FAM107B: variants seen among roughly 807,000 people sequenced by gnomAD.
FAM107B encodes the protein family with sequence similarity 107 member B.
In FAM107B, 21 loss-of-function variants were observed where a neutral mutation model predicts 31.5. The observed-to-expected ratio is 0.67, with a 90% CI of 0.47 to 0.96. The LOEUF is 0.96. FAM107B is among the 40% of genes least tolerant of loss of function. The probability of loss-of-function intolerance (pLI) is 0.00; values close to 1 mark genes in which losing one functional copy is unlikely to be tolerated. For synonymous variants in FAM107B, 157 were observed against 141.5 expected (o/e 1.11, Z -0.78); for missense variants, 452 against 377.1 (o/e 1.20, Z -1.64).
intron 2 of FAM107B, among the ~76,000 whole-genome samples, chr10:14,661,124 G>T (rs1211982599): frequency 6.6e-6 from 1 of 152,060 alleles, no homozygotes; most frequent in Non-Finnish European, 1.5e-5. Context: ...GTTTCCCAAG[G>T]CCTCCCCAGC....
At chr10:14,755,789 T>G (rs1038529557) in intron 1 of FAM107B, among the ~76,000 whole-genome samples, 2 of 152,158 alleles carry the variant, frequency 1.3e-5, no homozygotes, top group Admixed American at 6.5e-5. Flanking sequence ...GGCTCCAAAT[T>G]TTAGAGACAA....
At chr10:14,600,257 G>A (rs1253267298) in intron 2 of FAM107B, among the ~76,000 whole-genome samples, 1 of 152,140 alleles carries the variant, frequency 6.6e-6, no homozygotes, top group African/African-American at 2.4e-5. Flanking sequence ...CAGGGCTACT[G>A]GCCATGAGGT....
intron 1 of FAM107B, among the ~76,000 whole-genome samples, chr10:14,748,091 T>G (rs1457707298): frequency 6.6e-6 from 1 of 152,232 alleles, no homozygotes; most frequent in African/African-American, 2.4e-5. Flanking sequence ...CAGTGCATAC[T>G]TCTATCAAAG....
At chr10:14,604,107 C>G in intron 2 of FAM107B, 1 of 497,522 alleles carries the variant, frequency 2.0e-6, no homozygotes, top group South Asian at 8.5e-5. Context: ...CCCTCCCGCG[C>G]ACGGGGACCC....
In FAM107B at chr10:14,519,610, C is replaced by T. The variant is rs975438981; in HGVS notation, c.*1580G>A. 3 of 152,174 alleles carry T rather than the reference C, an allele frequency of 2.0e-5. No homozygotes were observed. The highest frequency in any genetic ancestry group is 4.4e-5 in the Non-Finnish European group (3 of 68,032). 9.4% of individuals were successfully genotyped at this position (152,174 alleles called of 1,614,324 possible). ...TCAACTAACATGTTTCTCTAACTAG[C>T]AGTATATTATCATTGCATTTACTTT... On this transcript the variant is annotated 3_prime_UTR_variant, in exon 5 of 5. Transcript: ENST00000181796.
intron 1 of FAM107B, among the ~76,000 whole-genome samples, chr10:14,672,176 C>T (rs933791339): frequency 6.6e-6 from 1 of 151,760 alleles, no homozygotes. Context: ...GCAGCCTCCA[C>T]CTTCCAGGTT....
intron 2 of FAM107B, among the ~76,000 whole-genome samples, chr10:14,665,230 T>C (rs1292375471): frequency 1.3e-5 from 2 of 152,202 alleles, no homozygotes; most frequent in Admixed American, 6.5e-5. Context: ...CAGATTTATT[T>C]TGAGGGAGGT....
At chr10:14,704,269 C>CTGTGTGTGTG (rs113899632) in intron 1 of FAM107B, among the ~76,000 whole-genome samples, 28,775 of 148,030 alleles carry the variant, frequency 0.19, 2,915 homozygotes, top group Middle Eastern at 0.35. Context: ...GTAAATTGCT[C>CTGTGTGTGTG]TGTGTGTGTG....
intron 2 of FAM107B, among the ~76,000 whole-genome samples, chr10:14,596,545 T>C (rs189244709): frequency 8.5e-5 from 13 of 152,260 alleles, no homozygotes; most frequent in Middle Eastern, 3.4e-3. Flanking sequence ...AAACTGTTCA[T>C]TGATGATAAT....
chr10:14,711,994 G>C (rs1855659654), intron 1 of FAM107B, among the ~76,000 whole-genome samples: 1 of 152,190 alleles, frequency 6.6e-6, no homozygotes, highest in African/African-American at 2.4e-5. Context: ...TGAGTGTGCA[G>C]TGCTACATGT....
chr10:14,733,853 C>T (rs1038419490), intron 1 of FAM107B, among the ~76,000 whole-genome samples: 2 of 152,198 alleles, frequency 1.3e-5, no homozygotes, highest in Admixed American at 1.3e-4. Flanking sequence ...ACATTTTCTC[C>T]CTGAACAGGT....
intron 2 of FAM107B, among the ~76,000 whole-genome samples, chr10:14,618,989 G>C (rs1012644081): frequency 6.6e-6 from 1 of 152,182 alleles, no homozygotes; most frequent in Non-Finnish European, 1.5e-5. Flanking sequence ...CAGGGGCAGA[G>C]ATTGGAGTGA....
rs139415547 is a variant in FAM107B at position 14,654,603 on chromosome 10, C to G, written c.469+13031G>C. Among the ~76,000 whole-genome samples, 849 of 152,176 alleles carry G rather than the reference C, an allele frequency of 5.6e-3. 8 individuals are homozygous for G. The highest frequency in any genetic ancestry group is 0.019 in the African/African-American group (785 of 41,516). ...AAAACAAAATATCTGATTATGTATT[C>G]CATTTTGCACAGAAACAAACAGCAT... On this transcript the variant is annotated intron_variant, in intron 2 of 4. Transcript: ENST00000181796.
rs369377028 is a variant in FAM107B, at chr10:14,629,436, T to A, written c.469+38198A>T. ...TATATATAATATATATAATATATAT[T>A]ATATATATATTATATATATATTATA... is the stretch of plus-strand genomic sequence containing the variant. On this transcript the variant is annotated intron_variant, in intron 2 of 4. Coordinates refer to ENST00000181796, the MANE Select transcript of FAM107B (RefSeq NM_031453.4). Among the ~76,000 whole-genome samples, 18 of 18,678 alleles carry A rather than the reference T, an allele frequency of 9.6e-4. 1 individual carries two copies. Among genetic ancestry groups the A allele is most frequent in the South Asian group, 2.6e-3 (2 of 770 alleles). 12.3% of individuals were successfully genotyped at this position (18,678 alleles called of 152,430 possible). A position where few individuals can be genotyped will look rare whatever the true frequency, so the allele number is the denominator to read the frequency against.
At chr10:14,719,009 G>C (rs1855846687) in intron 1 of FAM107B, among the ~76,000 whole-genome samples, 1 of 152,186 alleles carries the variant, frequency 6.6e-6, no homozygotes, top group Non-Finnish European at 1.5e-5. Flanking sequence ...GATTTTACTG[G>C]CGCAGAACTA....
chr10:14,598,234 G>A (rs569978285), intron 2 of FAM107B, among the ~76,000 whole-genome samples: 104 of 152,280 alleles, frequency 6.8e-4, no homozygotes, highest in African/African-American at 2.5e-3. Flanking sequence ...TGGCAGCCGC[G>A]TAATTACTGC....
intron 1 of FAM107B, among the ~76,000 whole-genome samples, chr10:14,738,519 C>A (rs1039308732): frequency 1.3e-5 from 2 of 152,198 alleles, no homozygotes; most frequent in Non-Finnish European, 2.9e-5. Context: ...TCTCTCAGGA[C>A]CCTTTCAACT....
chr10:14,725,633 G>C (rs75901023), intron 1 of FAM107B, among the ~76,000 whole-genome samples: 1 of 106,536 alleles, frequency 9.4e-6, no homozygotes, highest in Non-Finnish European at 2.0e-5. Flanking sequence ...GAGAGAGAAA[G>C]AGAGAGAGAA....
rs142486188 is a variant in FAM107B, at chr10:14,581,148, C to A, written c.470-50633G>T. Among the ~76,000 whole-genome samples the A allele has an allele frequency of 7.7e-3, 1,169 of 152,286 alleles. 9 individuals carry two copies. Among genetic ancestry groups the A allele is most frequent in the Non-Finnish European group, 0.01 (696 of 68,018 alleles). Reference sequence around the variant, plus strand: ...GAGCACGCACATATCTGCAATCGGTCTGGTGCAGTGCTCGGAAGAAAAATA... The same window carrying A: ...GAGCACGCACATATCTGCAATCGGTATGGTGCAGTGCTCGGAAGAAAAATA... On this transcript the variant is annotated intron_variant, in intron 2 of 4. Coordinates refer to ENST00000181796, the MANE Select transcript of FAM107B (RefSeq NM_031453.4).
Sources: allele counts gnomAD v4.1 joint callset (sites outside exome capture counted in the v4.1 genomes callset), GRCh38; gene constraint gnomAD v4.1.1; transcripts MANE v1.5; gene names NCBI Gene and HGNC (gene_info 2026-07-23, HGNC 2026-07-21).